Variants in CCDC178 observed in about 807,000 individuals in gnomAD.
CCDC178 encodes the protein coiled-coil domain containing 178, also known as coiled-coil domain-containing protein 178.
Under a neutral mutation model 117.4 loss-of-function variants are expected in CCDC178, and 126 were observed. That is an observed-to-expected ratio of 1.07 (90% CI 0.93 to 1.24). CCDC178 has a LOEUF of 1.24. Ranked by LOEUF, CCDC178 falls within the 50% of genes most tolerant of loss-of-function variation. The probability of loss-of-function intolerance (pLI) is 0.00; values close to 1 mark genes in which losing one functional copy is unlikely to be tolerated. For missense variants in CCDC178, 1,030 were observed against 986.9 expected (o/e 1.04, Z -0.59); for synonymous variants, 283 against 313.4 (o/e 0.90, Z 1.02).
chr18:33,257,878 A>G (rs796328957), intron 14 of CCDC178, among the ~76,000 whole-genome samples: 14 of 152,132 alleles, frequency 9.2e-5, no homozygotes, highest in African/African-American at 3.1e-4. Context: ...TCTGAAATTT[A>G]ATATGGCCTA....
At chr18:33,278,152 G>C (rs950643884) in intron 12 of CCDC178, among the ~76,000 whole-genome samples, 2 of 151,356 alleles carry the variant, frequency 1.3e-5, no homozygotes, top group Non-Finnish European at 2.9e-5. Flanking sequence ...TATATCCTGG[G>C]GTGAAATGTC....
intron 20 of CCDC178, among the ~76,000 whole-genome samples, chr18:33,142,426 T>C (rs1234644260): frequency 6.6e-6 from 1 of 152,176 alleles, no homozygotes. Context: ...AGTATCATGA[T>C]AGAATAAAAT....
intron 8 of CCDC178, 54 bp from the exon 9 acceptor site, chr18:33,346,465 T>C (rs934841088): frequency 6.0e-6 from 7 of 1,161,176 alleles, no homozygotes; most frequent in South Asian, 1.3e-5. Context: ...ATAAGCTGGA[T>C]GATGGGAACA....
At chr18:33,307,322 T>C (rs1400112651) in intron 11 of CCDC178, among the ~76,000 whole-genome samples, 1 of 152,276 alleles carries the variant, frequency 6.6e-6, no homozygotes, top group South Asian at 2.1e-4. Context: ...TGGTCTCAGA[T>C]GGAAATTAGG....
intron 3 of CCDC178, among the ~76,000 whole-genome samples, chr18:33,406,470 A>G (rs1213624526): frequency 6.6e-6 from 1 of 152,074 alleles, no homozygotes; most frequent in Non-Finnish European, 1.5e-5. Context: ...TACAGCTCAT[A>G]ACATTTATGC....
At chr18:33,409,986 C>T (rs1483672539) in intron 3 of CCDC178, among the ~76,000 whole-genome samples, 2 of 152,154 alleles carry the variant, frequency 1.3e-5, no homozygotes, top group African/African-American at 2.4e-5. Flanking sequence ...AGAAGACTTA[C>T]ATTCCATTAA....
At chr18:33,320,672 T>C (rs1012115900) in intron 11 of CCDC178, among the ~76,000 whole-genome samples, 6 of 152,156 alleles carry the variant, frequency 3.9e-5, no homozygotes, top group African/African-American at 2.4e-5. Flanking sequence ...CCCAAGGTAA[T>C]TGATAGATTC....
At chr18:33,146,104 A>T (rs2058264135) in intron 20 of CCDC178, among the ~76,000 whole-genome samples, 2 of 152,254 alleles carry the variant, frequency 1.3e-5, no homozygotes, top group African/African-American at 4.8e-5. Flanking sequence ...GATCAACAGC[A>T]GTATCTGATA....
chr18:33,281,029 C>G (rs538804428), intron 12 of CCDC178, among the ~76,000 whole-genome samples: 1 of 151,794 alleles, frequency 6.6e-6, no homozygotes, highest in Non-Finnish European at 1.5e-5. Flanking sequence ...GTGCAGCACA[C>G]CAGCATGGCA....
chr18:33,434,736 T>A (rs576233488), intron 2 of CCDC178, among the ~76,000 whole-genome samples: 1 of 152,262 alleles, frequency 6.6e-6, no homozygotes, highest in South Asian at 2.1e-4. Context: ...CCCACTGCAC[T>A]TCAGGAGGGG....
intron 21 of CCDC178, among the ~76,000 whole-genome samples, chr18:33,090,919 G>C (rs1267313580): frequency 6.6e-5 from 10 of 152,088 alleles, no homozygotes; most frequent in Non-Finnish European, 1.5e-5. Flanking sequence ...ATGAGATCAA[G>C]ATAATTTTGC....
chr18:33,405,241 A>T (rs2063764570), intron 3 of CCDC178, among the ~76,000 whole-genome samples: 1 of 151,890 alleles, frequency 6.6e-6, no homozygotes, highest in Non-Finnish European at 1.5e-5. Context: ...ATCAAGAATT[A>T]CAAAAATGTA....
At chr18:33,217,249 A>G (rs1249631808) in intron 18 of CCDC178, among the ~76,000 whole-genome samples, 3 of 152,038 alleles carry the variant, frequency 2.0e-5, no homozygotes, top group Non-Finnish European at 4.4e-5. Flanking sequence ...AGAGACTCAT[A>G]AAGTATCTTG....
At chr18:33,096,326 A>AAAATTTTTATATTTTATAT (rs2057543121) in intron 20 of CCDC178, among the ~76,000 whole-genome samples, 5 of 105,312 alleles carry the variant, frequency 4.7e-5, no homozygotes, top group African/African-American at 2.9e-4. Context: ...TATTTTATAT[A>AAAATTTTTATATTTTATAT]AAAATATAAA....
chr18:33,062,822 A>G (rs1369793898), intron 21 of CCDC178, among the ~76,000 whole-genome samples: 2 of 152,154 alleles, frequency 1.3e-5, no homozygotes, highest in East Asian at 1.9e-4. Context: ...TTATTTCCAC[A>G]TTCCACGAGC....
intron 12 of CCDC178, among the ~76,000 whole-genome samples, chr18:33,273,411 G>A (rs962382611): frequency 1.3e-5 from 2 of 151,506 alleles, no homozygotes; most frequent in African/African-American, 4.8e-5. Context: ...AAATATATCT[G>A]TAACCATGGA....
chr18:33,433,468 T>C (rs1025859082), intron 2 of CCDC178, among the ~76,000 whole-genome samples: 3 of 152,104 alleles, frequency 2.0e-5, no homozygotes, highest in African/African-American at 4.8e-5. Flanking sequence ...AAACACTAAA[T>C]TGAAAACAGG....
At chr18:33,256,717 G>T (rs2059684461) in intron 14 of CCDC178, among the ~76,000 whole-genome samples, 1 of 151,710 alleles carries the variant, frequency 6.6e-6, no homozygotes, top group African/African-American at 2.4e-5. Context: ...ATTTCTTTCA[G>T]ATTTTCTCTC....
chr18:32,986,901 T>C (rs2055275754), intron 21 of CCDC178, among the ~76,000 whole-genome samples: 2 of 151,998 alleles, frequency 1.3e-5, no homozygotes, highest in East Asian at 1.9e-4. Context: ...ATATGTGCTG[T>C]AATAAATAAA....
Sources: gnomAD v4.1 joint callset for allele counts (sites outside exome capture counted in the v4.1 genomes callset) on GRCh38, gnomAD v4.1.1 for gene constraint, MANE v1.5 for transcripts, NCBI Gene and HGNC (gene_info 2026-07-23, HGNC 2026-07-21) for gene names.